The following ZNF804B variants were observed in gnomAD, a reference collection of about 807,000 sequenced individuals.
ZNF804B encodes zinc finger 804B.
ZNF804B carries 80 observed loss-of-function variants against 101.4 expected under a neutral mutation model. That is an observed-to-expected ratio of 0.79 (90% confidence interval 0.66 to 0.95). The LOEUF is 0.95. ZNF804B is among the 40% of genes least tolerant of loss of function. The probability of loss-of-function intolerance (pLI) is 0.00; values close to 1 mark genes in which losing one functional copy is unlikely to be tolerated. For synonymous variants in ZNF804B, 622 were observed against 558.8 expected (o/e 1.11, Z -1.59); for missense variants, 1,673 against 1,561.9 (o/e 1.07, Z -1.20).
rs1175589789 is a variant in ZNF804B at position 89,241,855 on chromosome 7, ATG to A, written c.249+23562_249+23563del. Among the ~76,000 whole-genome samples the A allele has an allele frequency of 7.3e-5, 11 of 150,710 alleles. No individual in the cohort carries two copies. The East Asian group carries it at 1.9e-3, about 27-fold the overall frequency. On this transcript the variant is annotated intron_variant, in intron 2 of 3. Transcript: ENST00000333190. Reference sequence around the variant, plus strand: ...TAATCACTACAAACACTACAGGGTAATGTTCAATGAATGGTTATTGGAAGAGT... The same window carrying A: ...TAATCACTACAAACACTACAGGGTAATTCAATGAATGGTTATTGGAAGAGT...
chr7:88,850,773 G>A (rs148269350), intron 1 of ZNF804B, among the ~76,000 whole-genome samples: 114 of 151,998 alleles, frequency 7.5e-4, no homozygotes, highest in Non-Finnish European at 1.5e-3. Context: ...GAAGTACCAA[G>A]CATACAAAAA....
chr7:89,275,710 C>A (rs1789970030), intron 2 of ZNF804B, among the ~76,000 whole-genome samples: 2 of 151,930 alleles, frequency 1.3e-5, no homozygotes, highest in African/African-American at 4.8e-5. Context: ...TCATTTCCAA[C>A]CATTTTAAGT....
chr7:88,906,447 A>T (rs1341936229), intron 1 of ZNF804B, among the ~76,000 whole-genome samples: 1 of 152,118 alleles, frequency 6.6e-6, no homozygotes. Flanking sequence ...CCCTATTTTC[A>T]TTAATTTCAA....
intron 1 of ZNF804B, among the ~76,000 whole-genome samples, chr7:88,918,292 C>G (rs940890587): frequency 1.3e-5 from 2 of 152,024 alleles, no homozygotes; most frequent in South Asian, 2.1e-4. Flanking sequence ...ATTATTGGCA[C>G]TATTTGAATT....
At chr7:89,037,070 G>A (rs1788940231) in intron 1 of ZNF804B, among the ~76,000 whole-genome samples, 1 of 152,016 alleles carries the variant, frequency 6.6e-6, no homozygotes, top group African/African-American at 2.4e-5. Context: ...ACACGAATGA[G>A]ACAATTTTAA....
At chr7:89,247,828 A>C (rs936953640) in intron 2 of ZNF804B, among the ~76,000 whole-genome samples, 11 of 152,180 alleles carry the variant, frequency 7.2e-5, no homozygotes, top group African/African-American at 2.7e-4. Context: ...ATCCAAGACA[A>C]GGTTGAAAAG....
chr7:88,840,256 T>C (rs1160821514), intron 1 of ZNF804B, among the ~76,000 whole-genome samples: 1 of 152,130 alleles, frequency 6.6e-6, no homozygotes, highest in Non-Finnish European at 1.5e-5. Context: ...CAATCAGTTG[T>C]TCATCTAAAG....
intron 1 of ZNF804B, among the ~76,000 whole-genome samples, chr7:88,860,915 G>C (rs941152684): frequency 2.0e-5 from 3 of 152,100 alleles, no homozygotes; most frequent in African/African-American, 7.2e-5. Flanking sequence ...ACAGTTTTAT[G>C]CTTTTTATTC....
At chr7:89,061,233 T>C (rs1462202857) in intron 1 of ZNF804B, among the ~76,000 whole-genome samples, 1 of 152,108 alleles carries the variant, frequency 6.6e-6, no homozygotes, top group Non-Finnish European at 1.5e-5. Flanking sequence ...TATTCTCAAA[T>C]ATCTCCCTTT....
intron 2 of ZNF804B, among the ~76,000 whole-genome samples, chr7:89,322,252 T>C (rs1790832183): frequency 6.6e-6 from 1 of 152,160 alleles, no homozygotes; most frequent in African/African-American, 2.4e-5. Context: ...GCAAACAGAA[T>C]AAATATTTTC....
At chr7:89,240,055 G>A (rs1267905401) in intron 2 of ZNF804B, among the ~76,000 whole-genome samples, 3 of 151,124 alleles carry the variant, frequency 2.0e-5, no homozygotes, top group Non-Finnish European at 4.4e-5. Flanking sequence ...TTAATTAATT[G>A]TAAATATTTT....
At chr7:89,274,768 TTTAC>T (rs1789953093) in intron 2 of ZNF804B, among the ~76,000 whole-genome samples, 1 of 151,848 alleles carries the variant, frequency 6.6e-6, no homozygotes, top group Non-Finnish European at 1.5e-5. Flanking sequence ...TCCCTTCTCA[TTTAC>T]TTATTCAGGT....
intron 1 of ZNF804B, among the ~76,000 whole-genome samples, chr7:88,902,307 C>A (rs1190671795): frequency 6.6e-6 from 1 of 152,000 alleles, no homozygotes; most frequent in Non-Finnish European, 1.5e-5. Flanking sequence ...GTTTTTCCAG[C>A]AGCGCATCTC....
At chr7:89,043,100 A>G (rs757193762) in intron 1 of ZNF804B, among the ~76,000 whole-genome samples, 21 of 152,234 alleles carry the variant, frequency 1.4e-4, no homozygotes, top group Admixed American at 3.3e-4. Context: ...AATCAAAGTC[A>G]CAATGCTGAA....
intron 1 of ZNF804B, among the ~76,000 whole-genome samples, chr7:88,965,224 C>T (rs1562845580): frequency 6.6e-6 from 1 of 151,324 alleles, no homozygotes; most frequent in Non-Finnish European, 1.5e-5. Context: ...TACAAAATAA[C>T]TTTTTTCCTG....
At chr7:89,246,965 A>G (rs561299512) in intron 2 of ZNF804B, among the ~76,000 whole-genome samples, 12 of 152,154 alleles carry the variant, frequency 7.9e-5, no homozygotes, top group Non-Finnish European at 1.8e-4. Context: ...CTGGTTCAGC[A>G]GCCTGAGTTG....
chr7:88,839,013 T>G (rs573662880), intron 1 of ZNF804B, among the ~76,000 whole-genome samples: 45 of 152,182 alleles, frequency 3.0e-4, no homozygotes, highest in Admixed American at 3.9e-4. Flanking sequence ...TACGGTTAAC[T>G]GTATTTTCCA....
At chr7:88,930,067 T>G (rs1792860579) in intron 1 of ZNF804B, among the ~76,000 whole-genome samples, 1 of 151,898 alleles carries the variant, frequency 6.6e-6, no homozygotes, top group Non-Finnish European at 1.5e-5. Context: ...ATTAAATTAT[T>G]TTTTAGATAA....
rs546093127 is a variant in ZNF804B, at chr7:88,907,299, A to G, written c.108+147215A>G. Among the ~76,000 whole-genome samples the G allele has an allele frequency of 2.0e-5, 3 of 151,900 alleles. No homozygotes were observed. The South Asian group carries it at 6.2e-4, about 31-fold the overall frequency. On this transcript the variant is annotated intron_variant, in intron 1 of 3. Coordinates refer to ENST00000333190, the MANE Select transcript of ZNF804B (RefSeq NM_181646.5). ...GTCTTTTTATCCAGTTCTTCACTCT[A>G]TGTTTTTTAACTGGTGTGTTTTGCC...
Sources: allele counts gnomAD v4.1 joint callset (sites outside exome capture counted in the v4.1 genomes callset), GRCh38; gene constraint gnomAD v4.1.1; transcripts MANE v1.5; gene names NCBI Gene and HGNC (gene_info 2026-07-23, HGNC 2026-07-21).